Variants in CEP128 observed in about 807,000 individuals in gnomAD.
CEP128 encodes the protein centrosomal protein 128, also known as centrosomal protein 128kDa.
A neutral mutation model predicts 156.7 loss-of-function variants in CEP128; 132 were observed. The observed-to-expected ratio is 0.84, with a 90% CI of 0.73 to 0.97. The LOEUF (loss-of-function observed/expected upper bound fraction) is 0.97. Among genes scored for constraint, CEP128 ranks in the 50% least tolerant of loss-of-function variants. CEP128 has a pLI of 0.00. For synonymous variants in CEP128, 469 were observed against 448.9 expected (o/e 1.04, Z -0.57); for missense variants, 1,252 against 1,281.9 (o/e 0.98, Z 0.36).
chr14:80,901,078 C>T (rs1418586942), intron 6 of CEP128, among the ~76,000 whole-genome samples: 1 of 151,786 alleles, frequency 6.6e-6, no homozygotes, highest in African/African-American at 2.4e-5. Flanking sequence ...TGGTAGCGGG[C>T]GCCTGTAGTC....
At chr14:80,555,108 T>A (rs899712274) in intron 21 of CEP128, among the ~76,000 whole-genome samples, 5 of 152,112 alleles carry the variant, frequency 3.3e-5, no homozygotes, top group Admixed American at 6.5e-5. Context: ...TTTCAGAACG[T>A]CAGAATGACT....
At chr14:80,669,593 G>T (rs1895757938) in intron 19 of CEP128, among the ~76,000 whole-genome samples, 1 of 152,138 alleles carries the variant, frequency 6.6e-6, no homozygotes, top group Non-Finnish European at 1.5e-5. Flanking sequence ...ATCAGAGAAT[G>T]CAAATTAAAA....
At chr14:80,648,207 G>A (rs1017206527) in intron 19 of CEP128, among the ~76,000 whole-genome samples, 1 of 151,820 alleles carries the variant, frequency 6.6e-6, no homozygotes, top group African/African-American at 2.4e-5. Flanking sequence ...GAGAGCAGTT[G>A]GAGTTTAAGC....
chr14:80,801,079 G>A (rs896974436), intron 13 of CEP128, among the ~76,000 whole-genome samples: 2 of 152,180 alleles, frequency 1.3e-5, no homozygotes, highest in Non-Finnish European at 2.9e-5. Context: ...AGCTTGAGAG[G>A]GCTAAAGAGA....
intron 8 of CEP128, among the ~76,000 whole-genome samples, chr14:80,881,048 C>T (rs1041417672): frequency 5.6e-5 from 8 of 143,012 alleles, no homozygotes; most frequent in African/African-American, 2.1e-4. Context: ...TAAACCAAAC[C>T]CAAAATGAGT....
chr14:80,517,468 T>A (rs1888542810), intron 23 of CEP128, among the ~76,000 whole-genome samples: 1 of 152,236 alleles, frequency 6.6e-6, no homozygotes, highest in African/African-American at 2.4e-5. Context: ...TTTTGATGTA[T>A]TTCTTGACAT....
intron 8 of CEP128, among the ~76,000 whole-genome samples, chr14:80,885,734 G>A (rs139250985): frequency 9.3e-4 from 142 of 152,122 alleles, no homozygotes; most frequent in African/African-American, 1.2e-3. Context: ...CCAAATGATC[G>A]CAACTCCTCT....
At chr14:80,495,286 C>T (rs984677418), downstream of CEP128, among the ~76,000 whole-genome samples, 2 of 152,118 alleles carry the variant, frequency 1.3e-5, no homozygotes, top group Admixed American at 1.3e-4. Flanking sequence ...ATTAATGTTT[C>T]CTTAGCATTC....
chr14:80,925,288 C>T (rs1289445891), intron 2 of CEP128, among the ~76,000 whole-genome samples: 5 of 149,844 alleles, frequency 3.3e-5, no homozygotes, highest in Non-Finnish European at 7.4e-5. Context: ...AAGAAAACCC[C>T]GCAAGAACTC....
chr14:80,920,708 T>TA (rs939474261), intron 2 of CEP128, among the ~76,000 whole-genome samples: 27 of 152,294 alleles, frequency 1.8e-4, no homozygotes, highest in Middle Eastern at 3.4e-3. Context: ...CCTAATAATC[T>TA]AAGAAATATA....
chr14:80,777,940 T>A lies in CEP128; in HGVS notation c.2318A>T (p.Asn773Ile). 6.2e-7 allele frequency: 1 copy of A among 1,613,058 alleles called. No individual in the cohort carries two copies. Among genetic ancestry groups the A allele is most frequent in the Non-Finnish European group, 8.5e-7 (1 of 1,179,356 alleles). ...TTTTAGCTTCAGTTTTTTGTTCTCA[T>A]TTTCATTCTGGGTTAATTCCTCTGT... ...RLTEELTQNE[N>I]ENKKLKLKYQ... Residue 773 changes from asparagine to isoleucine, a missense_variant, in exon 16 of 25, where the codon AAT becomes ATT. Coordinates refer to ENST00000555265, the MANE Select transcript of CEP128 (RefSeq NM_152446.5).
At chr14:80,549,865 T>C (rs2140336199) in intron 21 of CEP128, among the ~76,000 whole-genome samples, 1 of 152,232 alleles carries the variant, frequency 6.6e-6, no homozygotes, top group East Asian at 1.9e-4. Flanking sequence ...GGAAAAATAA[T>C]TACAAATAAA....
At chr14:80,955,994 ATGTG>A in intron 2 of CEP128, 1 of 994,848 alleles carries the variant, frequency 1.0e-6, no homozygotes, top group Non-Finnish European at 1.5e-6. Context: ...GTGTGTGTAG[ATGTG>A]TGTGTGTGCT....
intron 19 of CEP128, among the ~76,000 whole-genome samples, chr14:80,734,606 T>C (rs1898436988): frequency 6.6e-6 from 1 of 151,908 alleles, no homozygotes; most frequent in South Asian, 2.1e-4. Context: ...TCCCAGCACT[T>C]TGGGAGGCCG....
At chr14:80,821,555 A>G (rs1306080490) in intron 13 of CEP128, among the ~76,000 whole-genome samples, 1 of 151,876 alleles carries the variant, frequency 6.6e-6, no homozygotes, top group Non-Finnish European at 1.5e-5. Flanking sequence ...TCAATACTTC[A>G]TATTTTCTGA....
At chr14:80,885,769 GAGA>G (rs1888768102) in intron 8 of CEP128, among the ~76,000 whole-genome samples, 1 of 152,140 alleles carries the variant, frequency 6.6e-6, no homozygotes, top group South Asian at 2.1e-4. Flanking sequence ...AAATTGGACA[GAGA>G]ATGTGTTTGA....
intron 24 of CEP128, 58 bp downstream of exon 24, chr14:80,504,854 C>T: frequency 2.4e-6 from 2 of 846,740 alleles, no homozygotes; most frequent in South Asian, 1.9e-5. Context: ...CTAATTTTCC[C>T]ATGTGTTGCA....
At chr14:80,654,452 C>T (rs982956568) in intron 19 of CEP128, among the ~76,000 whole-genome samples, 6 of 152,008 alleles carry the variant, frequency 3.9e-5, no homozygotes, top group East Asian at 1.9e-4. Context: ...AGGACAAGAA[C>T]GACTTAGTTT....
chr14:80,594,617 A>T (rs1304685328), intron 19 of CEP128, among the ~76,000 whole-genome samples: 4 of 152,206 alleles, frequency 2.6e-5, no homozygotes, highest in Non-Finnish European at 5.9e-5. Context: ...ACTTAAACAA[A>T]TTTATAAGAA....
Sources: gnomAD v4.1 joint callset for allele counts (sites outside exome capture counted in the v4.1 genomes callset) on GRCh38, gnomAD v4.1.1 for gene constraint, MANE v1.5 for transcripts, NCBI Gene and HGNC (gene_info 2026-07-23, HGNC 2026-07-21) for gene names.